The following SLC17A8 variants were observed in gnomAD, a reference collection of about 807,000 sequenced individuals.
SLC17A8 encodes the protein solute carrier family 17 member 8, also known as vesicular glutamate transporter 3.
SLC17A8 carries 31 observed loss-of-function variants against 58.0 expected under a neutral mutation model. The ratio of observed to expected loss-of-function variants is 0.53; its 90% CI spans 0.40 to 0.72. The LOEUF is 0.72. Among genes scored for constraint, SLC17A8 ranks in the 30% least tolerant of loss-of-function variants. The pLI, the probability that SLC17A8 is intolerant of heterozygous loss-of-function variation, is 0.00. For synonymous variants in SLC17A8, 228 were observed against 249.0 expected, an observed-to-expected ratio of 0.92 and a Z score of 0.79; for missense variants, 655 against 727.8, an observed-to-expected ratio of 0.90 and a Z score of 1.15.
chr12:100,398,263 C>T (rs1952766805), intron 5 of SLC17A8, among the ~76,000 whole-genome samples: 1 of 152,122 alleles, frequency 6.6e-6, no homozygotes, highest in Non-Finnish European at 1.5e-5. Context: ...GTCTCTTGTC[C>T]TTAGAAACCA....
Position 100,384,365 on chromosome 12 carries a change from C to T in SLC17A8, c.354+3412C>T, listed in dbSNP as rs149340043. 5.1e-3 allele frequency among the ~76,000 whole-genome samples: 774 copies of T among 152,210 alleles called. 7 individuals carry two copies. Among genetic ancestry groups the T allele is most frequent in the African/African-American group, 0.018 (750 of 41,542 alleles). On this transcript the variant is annotated intron_variant, in intron 2 of 11. Coordinates refer to ENST00000323346, the MANE Select transcript of SLC17A8 (RefSeq NM_139319.3). Reference sequence around the variant, plus strand: ...CTGTAATCCCAGCAATTTGGGAGGCCAAGGTGGGTGGATCACCTGAGGTCA... The same window carrying T: ...CTGTAATCCCAGCAATTTGGGAGGCTAAGGTGGGTGGATCACCTGAGGTCA...
chr12:100,364,498 C>A lies in SLC17A8; in HGVS notation c.101+7006C>A, dbSNP rs144384685. 2.4e-3 allele frequency among the ~76,000 whole-genome samples: 366 copies of A among 152,324 alleles called. 2 individuals carry two copies. The highest frequency in any genetic ancestry group is 8.5e-3 in the African/African-American group (354 of 41,578). ...AGCTCCGACATAGCCTCCATCCCTG[C>A]TGCCATGGTTACTCTGTTCATAAGT... is the stretch of plus-strand genomic sequence containing the variant. On this transcript the variant is annotated intron_variant, in intron 1 of 11. Transcript: ENST00000323346.
At chr12:100,357,581 C>A in intron 1 of SLC17A8, 89 bp downstream of exon 1, 1 of 873,188 alleles carries the variant, frequency 1.1e-6, no homozygotes, top group Non-Finnish European at 1.9e-6. Flanking sequence ...TTTAAAACCA[C>A]ACTTTAATGA....
rs1214978759 is a variant in SLC17A8 at position 100,380,799 on chromosome 12, G to A, written c.200G>A (p.Cys67Tyr). Residue 67 changes from cysteine (C) to tyrosine (Y), a missense_variant, in exon 2 of 12, where the codon TGC (cysteine) becomes TAC (tyrosine). By Grantham distance (194) the Cys-to-Tyr change is radical. Transcript: ENST00000323346. ...AGGCCAAGCCCCCCACTCTGCGACT[G>A]CCACTGCTGCGGCCTCCCCAAGCGT... ...TSRPSPPLCD[C>Y]HCCGLPKRYI... The A allele has an allele frequency of 3.7e-5, 59 of 1,614,016 alleles. No individual in the cohort carries two copies. Among genetic ancestry groups the A allele is most frequent in the Non-Finnish European group, 4.8e-5 (57 of 1,180,046 alleles).
chr12:100,377,373 C>T (rs914106393), intron 1 of SLC17A8, among the ~76,000 whole-genome samples: 1 of 151,718 alleles, frequency 6.6e-6, no homozygotes, highest in African/African-American at 2.4e-5. Flanking sequence ...TATGACAATC[C>T]TAAGAACAAC....
intron 6 of SLC17A8, 101 bp from the exon 7 acceptor site, chr12:100,402,239 A>C: frequency 2.3e-6 from 3 of 1,330,286 alleles, no homozygotes; most frequent in Non-Finnish European, 3.2e-6. Context: ...TTGGTACATT[A>C]CCCATTTTAC....
Position 100,421,341 on chromosome 12 carries a change from C to A in SLC17A8, c.*1182C>A, listed in dbSNP as rs1566408068. On this transcript the variant is annotated 3_prime_UTR_variant, in exon 12 of 12. Transcript: ENST00000323346. The stretch of plus-strand genomic sequence containing the variant: ...ATTATGATTTTGTATCAAAAGTATT[C>A]ATGATGACTCTATTTGGAATGATAT... The A allele has an allele frequency of 6.6e-6, 1 of 152,002 alleles. No homozygotes were observed. Among genetic ancestry groups the A allele is most frequent in the Non-Finnish European group, 1.5e-5 (1 of 67,974 alleles). The allele number at this position is 152,002 out of a possible 1,614,324, so 9.4% of individuals were successfully genotyped here. A position where few individuals can be genotyped will look rare whatever the true frequency, so the allele number is the denominator to read the frequency against.
chr12:100,378,617 G>T (rs1405029490), intron 1 of SLC17A8, among the ~76,000 whole-genome samples: 1 of 152,064 alleles, frequency 6.6e-6, no homozygotes, highest in Non-Finnish European at 1.5e-5. Context: ...CATAATGAAT[G>T]AAGCGTGGGG....
chr12:100,369,163 C>A (rs1388996542), intron 1 of SLC17A8, among the ~76,000 whole-genome samples: 2 of 152,146 alleles, frequency 1.3e-5, no homozygotes, highest in South Asian at 4.2e-4. Context: ...GTAATCCCAG[C>A]TACTCAGGAG....
chr12:100,393,861 A>C (rs1952733680), intron 4 of SLC17A8, among the ~76,000 whole-genome samples: 1 of 152,228 alleles, frequency 6.6e-6, no homozygotes. Context: ...AGTCTGATGC[A>C]GAGATTTAAT....
chr12:100,402,526 T>C, intron 7 of SLC17A8, 47 bp downstream of exon 7: 2 of 1,613,190 alleles, frequency 1.2e-6, no homozygotes, highest in East Asian at 2.2e-5. Context: ...TCATAAGTGA[T>C]TGTGTTGCCT....
intron 1 of SLC17A8, among the ~76,000 whole-genome samples, chr12:100,376,933 C>A (rs1002170444): frequency 3.3e-5 from 5 of 152,088 alleles, no homozygotes; most frequent in Admixed American, 1.3e-4. Flanking sequence ...CCTCAGCCTC[C>A]GGAGTAGCTG....
intron 1 of SLC17A8, among the ~76,000 whole-genome samples, chr12:100,374,084 C>T (rs1952577687): frequency 6.6e-6 from 1 of 152,134 alleles, no homozygotes; most frequent in Admixed American, 6.5e-5. Flanking sequence ...GCTCATGTAT[C>T]TCTGTGAGAT....
Position 100,402,705 on chromosome 12 carries a change from C to T in SLC17A8, c.1013C>T (p.Pro338Leu). The T allele has an allele frequency of 1.2e-6, 2 of 1,614,018 alleles. No individual in the cohort carries two copies. Among genetic ancestry groups the T allele is most frequent in the Non-Finnish European group, 1.7e-6 (2 of 1,179,986 alleles). The change falls in exon 8 of 12, where the codon CCT (proline) becomes CTT (leucine). Residue 338 changes from proline (P) to leucine (L), a missense_variant. Pro to Leu is a moderately conservative substitution (Grantham distance 98). Coordinates refer to ENST00000323346, the MANE Select transcript of SLC17A8 (RefSeq NM_139319.3). ...WTFYLLLISQ[P>L]AYFEEVFGFA... Reference sequence around the variant, plus strand: ...TTTTATTTGCTCCTCATAAGTCAGCCTGCTTATTTTGAAGAGGTCTTTGGA... The same window carrying T: ...TTTTATTTGCTCCTCATAAGTCAGCTTGCTTATTTTGAAGAGGTCTTTGGA...
intron 11 of SLC17A8, among the ~76,000 whole-genome samples, chr12:100,418,818 A>G (rs1952926557): frequency 6.6e-6 from 1 of 152,244 alleles, no homozygotes; most frequent in Non-Finnish European, 1.5e-5. Context: ...TATTACAAAT[A>G]TAACTTCAGA....
intron 1 of SLC17A8, among the ~76,000 whole-genome samples, chr12:100,369,630 T>G (rs948043296): frequency 6.6e-6 from 1 of 152,264 alleles, no homozygotes; most frequent in East Asian, 1.9e-4. Flanking sequence ...ATGCCTGCAT[T>G]GTAGCTGCAA....
intron 1 of SLC17A8, among the ~76,000 whole-genome samples, chr12:100,368,007 G>A (rs1952532248): frequency 6.6e-6 from 1 of 152,208 alleles, no homozygotes; most frequent in African/African-American, 2.4e-5. Context: ...AACCGTATTA[G>A]CAGTTTATCA....
chr12:100,407,040 A>C (rs1182208849), intron 9 of SLC17A8, among the ~76,000 whole-genome samples: 1 of 152,236 alleles, frequency 6.6e-6, no homozygotes, highest in Non-Finnish European at 1.5e-5. Context: ...AATAATATTT[A>C]CTTCAGAGGA....
rs1952938934 is a variant in SLC17A8, at chr12:100,420,190, C to T, written c.*31C>T. ...GAGAGGCACTTCTGTCTTCTCCTTA[C>T]TTTAGAAACAGAAAGTATCCATACC... On this transcript the variant is annotated 3_prime_UTR_variant, in exon 12 of 12. Coordinates refer to ENST00000323346, the MANE Select transcript of SLC17A8 (RefSeq NM_139319.3). 6 of 1,566,388 alleles carry T rather than the reference C, an allele frequency of 3.8e-6. No homozygotes were observed. Among genetic ancestry groups the T allele is most frequent in the South Asian group, 1.2e-5 (1 of 86,956 alleles).
Sources: gnomAD v4.1 joint callset for allele counts (sites outside exome capture counted in the v4.1 genomes callset) on GRCh38, gnomAD v4.1.1 for gene constraint, MANE v1.5 for transcripts, NCBI Gene and HGNC (gene_info 2026-07-23, HGNC 2026-07-21) for gene names.